The following LRBA variants were observed in gnomAD, a reference collection of about 807,000 sequenced individuals.
LRBA encodes LPS responsive beige-like anchor protein.
A neutral mutation model predicts 330.0 loss-of-function variants in LRBA; 176 were observed. The ratio of observed to expected loss-of-function variants is 0.53; its 90% CI spans 0.47 to 0.60. LRBA has a LOEUF of 0.60. LRBA is among the 20% of genes least tolerant of loss of function. The pLI is 0.00. For missense variants in LRBA, 3,259 were observed against 3,444.8 expected (o/e 0.95, Z 1.35); for synonymous variants, 1,230 against 1,193.0 (o/e 1.03, Z -0.64).
At chr4:150,315,196 C>T (rs1731554629) in intron 51 of LRBA, 1 of 304,576 alleles carries the variant, frequency 3.3e-6, no homozygotes, top group Non-Finnish European at 6.1e-6. Flanking sequence ...AGCTCCATCA[C>T]ATTACCGGTG....
chr4:150,544,403 C>G (rs1386663678), intron 40 of LRBA, among the ~76,000 whole-genome samples: 1 of 152,148 alleles, frequency 6.6e-6, no homozygotes, highest in Non-Finnish European at 1.5e-5. Context: ...ATAATTCTTT[C>G]TATTCCTCCA....
intron 31 of LRBA, among the ~76,000 whole-genome samples, chr4:150,809,817 T>C (rs1445312505): frequency 6.6e-6 from 1 of 151,978 alleles, no homozygotes; most frequent in Admixed American, 6.6e-5. Context: ...TACTGCATTC[T>C]AGCCTGAGTG....
At chr4:150,918,622 C>T (rs759392196) in intron 5 of LRBA, among the ~76,000 whole-genome samples, 2 of 152,102 alleles carry the variant, frequency 1.3e-5, no homozygotes, top group Admixed American at 1.3e-4. Context: ...TGGTGGTACA[C>T]ATCTGTAATC....
chr4:150,505,108 C>A lies in LRBA; in HGVS notation c.6331-14073G>T, dbSNP rs540806573. On this transcript the variant is annotated intron_variant, in intron 40 of 56. Transcript: ENST00000651943. ...TTAGTGACCTACAAAGAGACTTAGA[C>A]TCCCACACAACAATAATAATGGGAG... is the stretch of plus-strand genomic sequence containing the variant. Among the ~76,000 whole-genome samples the A allele has an allele frequency of 7.9e-5, 12 of 152,300 alleles. No individual in the cohort carries two copies. In the South Asian group the frequency reaches 2.5e-3, roughly 32 times the overall value.
intron 47 of LRBA, among the ~76,000 whole-genome samples, chr4:150,404,715 T>C (rs1426423469): frequency 6.6e-6 from 1 of 152,146 alleles, no homozygotes; most frequent in Non-Finnish European, 1.5e-5. Flanking sequence ...CGGGGAAGAA[T>C]TTTCCAAAAT....
chr4:150,755,620 T>C (rs1734189595), intron 35 of LRBA, among the ~76,000 whole-genome samples: 1 of 152,334 alleles, frequency 6.6e-6, no homozygotes, highest in South Asian at 2.1e-4. Context: ...CATAGTCTAC[T>C]ACTTCCCTGA....
At chr4:150,273,746 T>C (rs1340088702) in intron 56 of LRBA, among the ~76,000 whole-genome samples, 1 of 152,052 alleles carries the variant, frequency 6.6e-6, no homozygotes, top group East Asian at 1.9e-4. Flanking sequence ...AAGGGATCAA[T>C]GCAACAACAA....
In LRBA at chr4:150,844,143, T is replaced by C. The variant is rs1327875877; in HGVS notation, c.4526A>G (p.Asp1509Gly). 1.2e-6 allele frequency: 2 copies of C among 1,612,198 alleles called. No individual in the cohort carries two copies. The change falls in exon 28 of 57, where the codon GAC (aspartate) becomes GGC (glycine). Residue 1509 changes from aspartate to glycine, a missense_variant. Coordinates refer to ENST00000651943, the MANE Select transcript of LRBA (RefSeq NM_001364905.1). ...PVRDLDRLLQ[D>G]MDINRLRAVV... ...TGCCCTAAGCCGATTAATATCCATG[T>C]CCTGTAGAAGCCTGTCAAGATCTCT... is the stretch of plus-strand genomic sequence containing the variant.
chr4:150,717,667 C>CAATAATAATAATAATAAT (rs1553944883), intron 36 of LRBA, among the ~76,000 whole-genome samples: 5 of 15,972 alleles, frequency 3.1e-4, no homozygotes, highest in Non-Finnish European at 1.3e-3. Context: ...CTCAAAATAA[C>CAATAATAATAATAATAAT]AATAATAGTA....
chr4:150,909,298 G>A (rs773465265), intron 9 of LRBA, among the ~76,000 whole-genome samples: 2 of 152,042 alleles, frequency 1.3e-5, no homozygotes, highest in Non-Finnish European at 2.9e-5. Context: ...CTCCCCACCA[G>A]CCCGACTATC....
chr4:150,397,268 C>CA (rs1353273878), intron 47 of LRBA, among the ~76,000 whole-genome samples: 1 of 152,004 alleles, frequency 6.6e-6, no homozygotes, highest in African/African-American at 2.4e-5. Context: ...ATGTACGATA[C>CA]AAAAAGGTAT....
At chr4:150,699,400 G>A (rs868522267) in intron 36 of LRBA, among the ~76,000 whole-genome samples, 2 of 152,076 alleles carry the variant, frequency 1.3e-5, no homozygotes, top group South Asian at 2.1e-4. Context: ...CTATGTCCAC[G>A]CTTTGGGCAA....
chr4:150,792,198 T>A (rs1740048294), intron 34 of LRBA, among the ~76,000 whole-genome samples: 1 of 148,166 alleles, frequency 6.7e-6, no homozygotes, highest in Admixed American at 6.8e-5. Flanking sequence ...ATAGTAAGTT[T>A]TAGTTAAAAA....
intron 2 of LRBA, among the ~76,000 whole-genome samples, chr4:150,935,644 GA>G (rs1184802109): frequency 7.9e-5 from 12 of 151,544 alleles, no homozygotes; most frequent in African/African-American, 2.9e-4. Flanking sequence ...TTAAATATAT[GA>G]AAAAAGTGAA....
chr4:150,319,198 G>A (rs1418387423), intron 50 of LRBA, among the ~76,000 whole-genome samples: 2 of 151,760 alleles, frequency 1.3e-5, no homozygotes, highest in Non-Finnish European at 2.9e-5. Context: ...CGTTGAGCCA[G>A]CTCTTCCTAG....
At chr4:150,640,297 GGACAAATC>G (rs1324125866) in intron 37 of LRBA, among the ~76,000 whole-genome samples, 21 of 151,994 alleles carry the variant, frequency 1.4e-4, no homozygotes, top group African/African-American at 4.4e-4. Context: ...CCTTGTAGCA[GGACAAATC>G]ATACATCATA....
chr4:150,632,902 C>T (rs927298289), intron 37 of LRBA, among the ~76,000 whole-genome samples: 2 of 152,178 alleles, frequency 1.3e-5, no homozygotes, highest in Non-Finnish European at 2.9e-5. Context: ...TATACCTAAT[C>T]ATCTTAGCCA....
intron 40 of LRBA, chr4:150,578,975 A>G (rs1373401881): frequency 1.0e-5 from 3 of 285,868 alleles, no homozygotes; most frequent in African/African-American, 6.7e-5. Context: ...CTCCCTAATG[A>G]ATTTGTCAAG....
chr4:150,931,609 A>G (rs1734514320), intron 2 of LRBA, among the ~76,000 whole-genome samples: 1 of 151,250 alleles, frequency 6.6e-6, no homozygotes, highest in African/African-American at 2.4e-5. Flanking sequence ...TCAAAAAAAA[A>G]AAAAAAAAAT....
Sources: gnomAD v4.1 joint callset for allele counts (sites outside exome capture counted in the v4.1 genomes callset) on GRCh38, gnomAD v4.1.1 for gene constraint, MANE v1.5 for transcripts, NCBI Gene and HGNC (gene_info 2026-07-23, HGNC 2026-07-21) for gene names.